Variants in AUTS2 observed in about 807,000 individuals in gnomAD.
The protein encoded by AUTS2 is activator of transcription and developmental regulator AUTS2.
A neutral mutation model predicts 112.4 loss-of-function variants in AUTS2; 17 were observed. That is an observed-to-expected ratio of 0.15 (90% CI 0.10 to 0.23). The LOEUF (loss-of-function observed/expected upper bound fraction) is 0.23. Ranked by LOEUF, AUTS2 falls within the 10% of genes least tolerant of loss-of-function variation. The probability of loss-of-function intolerance (pLI) is 1.00; values close to 1 mark genes in which losing one functional copy is unlikely to be tolerated. For synonymous variants in AUTS2, 751 were observed against 702.7 expected, an observed-to-expected ratio of 1.07 and a Z score of -1.09; for missense variants, 1,510 against 1,701.6, an observed-to-expected ratio of 0.89 and a Z score of 1.98.
At chr7:70,355,295 C>T (rs1300799404) in intron 4 of AUTS2, among the ~76,000 whole-genome samples, 3 of 152,072 alleles carry the variant, frequency 2.0e-5, no homozygotes, top group Non-Finnish European at 4.4e-5. Context: ...CTACCAAGAG[C>T]CCATCTGTTG....
intron 2 of AUTS2, among the ~76,000 whole-genome samples, chr7:69,927,576 T>A (rs965461784): frequency 9.2e-5 from 14 of 152,212 alleles, no homozygotes; most frequent in Non-Finnish European, 1.8e-4. Context: ...TTCCACCCAC[T>A]CTGCCCGACA....
In AUTS2 at chr7:70,791,158, T is replaced by C; in HGVS notation, c.*162T>C. The C allele has an allele frequency of 1.5e-6, 1 of 651,392 alleles. No individual in the cohort carries two copies. The highest frequency in any genetic ancestry group is 6.5e-5 in the South Asian group (1 of 15,398). 40.4% of individuals were successfully genotyped at this position (651,392 alleles called of 1,614,324 possible). A position where few individuals can be genotyped will look rare whatever the true frequency, so the allele number is the denominator to read the frequency against. On this transcript the variant is annotated 3_prime_UTR_variant, in exon 19 of 19. Coordinates refer to ENST00000342771, the MANE Select transcript of AUTS2 (RefSeq NM_015570.4). ...GACTCAGTGCACATTTTGAAATGTT[T>C]TGTATATTATATGTTGAGATTTTTC...
chr7:70,691,330 C>T (rs1476216830), intron 5 of AUTS2, among the ~76,000 whole-genome samples: 2 of 151,756 alleles, frequency 1.3e-5, no homozygotes, highest in African/African-American at 2.4e-5. Context: ...TATGTTAATC[C>T]ACCTCCATGT....
intron 4 of AUTS2, among the ~76,000 whole-genome samples, chr7:70,176,528 AT>A (rs1276900230): frequency 6.6e-6 from 1 of 152,242 alleles, no homozygotes; most frequent in East Asian, 1.9e-4. Flanking sequence ...GCTAGTGTAA[AT>A]GAAGTTGAAT....
At chr7:70,361,954 A>G (rs564630285) in intron 4 of AUTS2, among the ~76,000 whole-genome samples, 8 of 152,344 alleles carry the variant, frequency 5.3e-5, no homozygotes, top group African/African-American at 9.6e-5. Flanking sequence ...AAAGGATTCT[A>G]GTTTAGGGTA....
At chr7:70,557,059 AGTCAAG>A (rs1801278607) in intron 5 of AUTS2, among the ~76,000 whole-genome samples, 2 of 152,208 alleles carry the variant, frequency 1.3e-5, no homozygotes, top group Non-Finnish European at 2.9e-5. Context: ...GTTTTCATTA[AGTCAAG>A]GACTGTGCTT....
At chr7:70,327,919 T>C (rs1231843383) in intron 4 of AUTS2, among the ~76,000 whole-genome samples, 1 of 152,188 alleles carries the variant, frequency 6.6e-6, no homozygotes, top group Non-Finnish European at 1.5e-5. Flanking sequence ...CCTGTAGCCT[T>C]GGTAGAGGCA....
rs1793608701 is a variant in AUTS2, at chr7:69,873,823, C to G, written c.310-25463C>G. On this transcript the variant is annotated intron_variant, in intron 1 of 18. Coordinates refer to ENST00000342771, the MANE Select transcript of AUTS2 (RefSeq NM_015570.4). ...CACCTACTTTATGTATGAAGATTAT[C>G]CCTGGAATAGATACATCTTTGAGGA... Among the ~76,000 whole-genome samples the G allele has an allele frequency of 2.0e-5, 3 of 152,232 alleles. No individual in the cohort carries two copies. In the South Asian group the frequency reaches 6.2e-4, roughly 32 times the overall value.
chr7:70,684,801 C>A (rs975765576), intron 5 of AUTS2, among the ~76,000 whole-genome samples: 2 of 152,264 alleles, frequency 1.3e-5, no homozygotes, highest in Non-Finnish European at 2.9e-5. Context: ...ACTCCTGTAT[C>A]CATTTCCTTA....
chr7:69,702,046 C>A (rs968907082), intron 1 of AUTS2, among the ~76,000 whole-genome samples: 2 of 152,164 alleles, frequency 1.3e-5, no homozygotes, highest in African/African-American at 4.8e-5. Flanking sequence ...TCAGTGCATC[C>A]TCTTTATTTG....
chr7:70,246,767 T>C (rs1295999879), intron 4 of AUTS2, among the ~76,000 whole-genome samples: 1 of 152,112 alleles, frequency 6.6e-6, no homozygotes, highest in South Asian at 2.1e-4. Context: ...TTGCATTGTT[T>C]ATTGGATAAT....
chr7:70,101,359 T>C (rs1804484540), intron 2 of AUTS2, among the ~76,000 whole-genome samples: 1 of 151,834 alleles, frequency 6.6e-6, no homozygotes, highest in South Asian at 2.1e-4. Flanking sequence ...CTTATGAATT[T>C]TCATAAGAAC....
In AUTS2 at chr7:69,882,507, A is replaced by C. The variant is rs562010772; in HGVS notation, c.310-16779A>C. ...TTTCAGTTCTGTTCACATGAATGAGAACATGAATGCTAGAGCCACGCAGGT... is the reference window on the plus strand; with the variant it reads ...TTTCAGTTCTGTTCACATGAATGAGCACATGAATGCTAGAGCCACGCAGGT... On this transcript the variant is annotated intron_variant, in intron 1 of 18. Coordinates refer to ENST00000342771, the MANE Select transcript of AUTS2 (RefSeq NM_015570.4). Among the ~76,000 whole-genome samples, 17 of 152,282 alleles carry C rather than the reference A, an allele frequency of 1.1e-4. No individual in the cohort carries two copies. The South Asian group carries it at 3.5e-3, about 32-fold the overall frequency.
rs943716124 is a variant in AUTS2, at chr7:70,774,074, A to G, written c.1877A>G (p.His626Arg). ...DVAARPGTVP[H>R]TLLQKDPRLT... ...GCTGCTCGGCCTGGGACAGTCCCAC[A>G]CACTTTACTCCAAAAGGACCCGAGG... is the stretch of plus-strand genomic sequence containing the variant. The change falls in exon 12 of 19, where the codon CAC becomes CGC. Residue 626 changes from histidine (H) to arginine (R), a missense_variant. Physicochemically the swap from His to Arg is conservative, Grantham distance 29. Transcript: ENST00000342771. The G allele has an allele frequency of 3.7e-6, 6 of 1,614,056 alleles. No individual in the cohort carries two copies. The highest frequency in any genetic ancestry group is 4.2e-6 in the Non-Finnish European group (5 of 1,180,044).
intron 4 of AUTS2, among the ~76,000 whole-genome samples, chr7:70,216,665 G>A (rs751568403): frequency 3.9e-5 from 6 of 152,312 alleles, no homozygotes; most frequent in East Asian, 1.9e-4. Context: ...CTTCTTAAGT[G>A]GGATAACTTT....
At chr7:70,587,444 C>T (rs1004345909) in intron 5 of AUTS2, among the ~76,000 whole-genome samples, 41 of 152,134 alleles carry the variant, frequency 2.7e-4, no homozygotes, top group Non-Finnish European at 5.9e-4. Flanking sequence ...TTTCTCTACC[C>T]TCAATGATGT....
intron 2 of AUTS2, among the ~76,000 whole-genome samples, chr7:70,021,581 C>T (rs562658063): frequency 1.3e-5 from 2 of 152,222 alleles, no homozygotes; most frequent in Admixed American, 1.3e-4. Context: ...TTCACATGTT[C>T]ACTGTAGTAA....
At chr7:70,500,448 A>C (rs2116618947) in intron 5 of AUTS2, among the ~76,000 whole-genome samples, 1 of 152,326 alleles carries the variant, frequency 6.6e-6, no homozygotes, top group South Asian at 2.1e-4. Flanking sequence ...TGTGGAAAGG[A>C]GAGGCAAGCA....
At chr7:70,207,930 G>A (rs888416898) in intron 4 of AUTS2, among the ~76,000 whole-genome samples, 2 of 142,308 alleles carry the variant, frequency 1.4e-5, no homozygotes, top group Admixed American at 7.5e-5. Flanking sequence ...AGAATCGCTT[G>A]AACCCAGGAG....
Sources: allele counts gnomAD v4.1 joint callset (sites outside exome capture counted in the v4.1 genomes callset), GRCh38; gene constraint gnomAD v4.1.1; transcripts MANE v1.5; gene names NCBI Gene and HGNC (gene_info 2026-07-23, HGNC 2026-07-21).